The following DLGAP5 variants were observed in gnomAD, a reference collection of about 807,000 sequenced individuals.
DLGAP5 encodes the protein disks large-associated protein 5.
A neutral mutation model predicts 99.6 loss-of-function variants in DLGAP5; 90 were observed. The observed-to-expected ratio is 0.90, with a 90% CI of 0.76 to 1.08. DLGAP5 has a LOEUF of 1.08. Among genes scored for constraint, DLGAP5 ranks in the 50% least tolerant of loss-of-function variants. The pLI is 0.00. For synonymous variants in DLGAP5, 311 were observed against 321.3 expected (o/e 0.97, Z 0.34); for missense variants, 1,036 against 983.5 (o/e 1.05, Z -0.71).
At chr14:55,182,123 G>A (rs1338073660) in intron 4 of DLGAP5, among the ~76,000 whole-genome samples, 1 of 152,104 alleles carries the variant, frequency 6.6e-6, no homozygotes, top group Non-Finnish European at 1.5e-5. Flanking sequence ...TGCATAATAG[G>A]AGCCCACTAA....
intron 16 of DLGAP5, 47 bp downstream of exon 16, chr14:55,152,543 A>G (rs776060655): frequency 3.5e-6 from 5 of 1,440,700 alleles, no homozygotes; most frequent in Non-Finnish European, 3.8e-6. Flanking sequence ...TAATGATATA[A>G]ACATATGACA....
In DLGAP5 at chr14:55,172,263, A is replaced by C. The variant is rs561802077; in HGVS notation, c.1302-1476T>G. Among the ~76,000 whole-genome samples the C allele has an allele frequency of 4.8e-4, 72 of 151,300 alleles. 1 individual carries two copies. The Middle Eastern group carries it at 0.014, about 29-fold the overall frequency. On this transcript the variant is annotated intron_variant, in intron 10 of 18. Coordinates refer to ENST00000247191, the MANE Select transcript of DLGAP5 (RefSeq NM_014750.5). The stretch of plus-strand genomic sequence containing the variant: ...AGCACTTTGTGAGGCTGAGGCAGGC[A>C]GATCACTTGAGCCTAGGAGTTCCAG...
intron 11 of DLGAP5, 58 bp from the exon 12 acceptor site, chr14:55,169,617 G>T (rs1324534972): frequency 2.1e-6 from 3 of 1,399,972 alleles, no homozygotes; most frequent in South Asian, 3.2e-5. Context: ...TTCATTGCAA[G>T]TCAGCCCACT....
chr14:55,187,029 C>T (rs965552640), intron 2 of DLGAP5, among the ~76,000 whole-genome samples: 22 of 151,970 alleles, frequency 1.4e-4, no homozygotes, highest in Admixed American at 6.6e-5. Context: ...CTGCCTCAGC[C>T]GCCCAAGTAG....
At chr14:55,148,508 C>T (rs1566785693) in intron 18 of DLGAP5, 35 bp from the exon 19 acceptor site, 3 of 1,613,122 alleles carry the variant, frequency 1.9e-6, no homozygotes, top group Non-Finnish European at 2.5e-6. Context: ...AGTAAAGTAT[C>T]CATCAAGAGT....
Position 55,183,563 on chromosome 14 carries a change from T to C in DLGAP5, c.429A>G (p.Lys143=), listed in dbSNP as rs769014174. 3 of 1,549,916 alleles carry C rather than the reference T, an allele frequency of 1.9e-6. No homozygotes were observed. Among genetic ancestry groups the C allele is most frequent in the Admixed American group, 2.3e-5 (1 of 44,160 alleles). Residue 143 remains lysine (K), a synonymous_variant, in exon 3 of 19, where the codon AAA becomes AAG. Coordinates refer to ENST00000247191, the MANE Select transcript of DLGAP5 (RefSeq NM_014750.5). The part of the protein sequence containing the change: ...SNQNAVKAEP[K]KAIPSSVRIT... Reference sequence around the variant, plus strand: ...TATATTAAGACACTAAATTTACCTTTTTTGGCTCAGCTTTCACAGCATTCT... The same window carrying C: ...TATATTAAGACACTAAATTTACCTTCTTTGGCTCAGCTTTCACAGCATTCT...
At chr14:55,177,661 C>T (rs1237054129) in intron 7 of DLGAP5, among the ~76,000 whole-genome samples, 1 of 151,824 alleles carries the variant, frequency 6.6e-6, no homozygotes, top group Non-Finnish European at 1.5e-5. Context: ...CCTCAGCCTC[C>T]CAAGTAGCTG....
chr14:55,184,968 C>G (rs1164157467), intron 2 of DLGAP5, among the ~76,000 whole-genome samples: 4 of 152,152 alleles, frequency 2.6e-5, no homozygotes, highest in African/African-American at 9.7e-5. Flanking sequence ...ATTATAGGTG[C>G]TATTTATTAT....
chr14:55,170,611 A>T (rs1392675586), intron 11 of DLGAP5, 91 bp downstream of exon 11: 5 of 1,119,354 alleles, frequency 4.5e-6, no homozygotes, highest in Non-Finnish European at 6.6e-6. Flanking sequence ...ATGAAACAAT[A>T]AAGTTAGGCA....
intron 14 of DLGAP5, among the ~76,000 whole-genome samples, chr14:55,157,465 T>C (rs889995256): frequency 1.3e-5 from 2 of 152,158 alleles, no homozygotes; most frequent in Admixed American, 1.3e-4. Context: ...AAATATCAGA[T>C]AGCAGGTATT....
intron 18 of DLGAP5, chr14:55,148,767 T>C: frequency 2.3e-6 from 1 of 428,046 alleles, no homozygotes; most frequent in Non-Finnish European, 4.3e-6. Context: ...TATGCTACTT[T>C]CCAGTAGATC....
chr14:55,152,655 A>C lies in DLGAP5; in HGVS notation c.2064-8T>G. 1 of 1,590,410 alleles carries C rather than the reference A, an allele frequency of 6.3e-7. No homozygotes were observed. The highest frequency in any genetic ancestry group is 8.5e-7 in the Non-Finnish European group (1 of 1,171,266). On this transcript the variant is annotated splice_polypyrimidine_tract_variant and splice_region_variant and intron_variant, in intron 15 of 18. Transcript: ENST00000247191. ...GCATCTTCTATGCTGCTCCTAAAGAAGAAAAAAAGCAGCATTACACTCATA... is the reference window on the plus strand; with the variant it reads ...GCATCTTCTATGCTGCTCCTAAAGACGAAAAAAAGCAGCATTACACTCATA...
chr14:55,163,968 T>G (rs1302765107), intron 12 of DLGAP5, among the ~76,000 whole-genome samples: 1 of 152,220 alleles, frequency 6.6e-6, no homozygotes. Flanking sequence ...TCTCCGAATC[T>G]GTGCCTTGTC....
chr14:55,169,185 A>G (rs1882757960), intron 12 of DLGAP5, among the ~76,000 whole-genome samples: 1 of 151,668 alleles, frequency 6.6e-6, no homozygotes, highest in Non-Finnish European at 1.5e-5. Context: ...CAAAAAAAAA[A>G]AAAAAAAAAA....
chr14:55,153,535 C>A (rs1032995377), intron 15 of DLGAP5, among the ~76,000 whole-genome samples: 6 of 111,804 alleles, frequency 5.4e-5, no homozygotes, highest in African/African-American at 2.6e-4. Context: ...AGCGACACTC[C>A]GTCTCAAAAA....
intron 10 of DLGAP5, 30 bp from the exon 11 acceptor site, chr14:55,170,817 C>A: frequency 6.3e-7 from 1 of 1,578,870 alleles, no homozygotes; most frequent in South Asian, 1.1e-5. Flanking sequence ...TTCAGTTCTA[C>A]AAGTGGTTTT....
chr14:55,174,743 T>C (rs1157930224), intron 10 of DLGAP5, among the ~76,000 whole-genome samples: 1 of 151,508 alleles, frequency 6.6e-6, no homozygotes, highest in Non-Finnish European at 1.5e-5. Context: ...CAGGCTGGAG[T>C]GCAGTGGTGC....
chr14:55,164,742 T>C (rs1882575902), intron 12 of DLGAP5, among the ~76,000 whole-genome samples: 1 of 151,792 alleles, frequency 6.6e-6, no homozygotes, highest in South Asian at 2.1e-4. Flanking sequence ...GCCAACGTAG[T>C]GAAACCTCAT....
intron 6 of DLGAP5, among the ~76,000 whole-genome samples, chr14:55,180,187 T>C (rs1883225221): frequency 6.6e-6 from 1 of 152,116 alleles, no homozygotes; most frequent in East Asian, 1.9e-4. Flanking sequence ...AGAACAATAA[T>C]GACAAATCAC....
Sources: allele counts gnomAD v4.1 joint callset (sites outside exome capture counted in the v4.1 genomes callset), GRCh38; gene constraint gnomAD v4.1.1; transcripts MANE v1.5; gene names NCBI Gene and HGNC (gene_info 2026-07-23, HGNC 2026-07-21).